Variants in BANP observed in about 807,000 individuals in gnomAD.
BANP encodes the protein protein BANP.
In BANP, 11 loss-of-function variants were observed where a neutral mutation model predicts 68.1. The observed-to-expected ratio is 0.16, with a 90% confidence interval of 0.10 to 0.27. The LOEUF is 0.27. Among genes scored for constraint, BANP ranks in the 10% least tolerant of loss-of-function variants. The probability of loss-of-function intolerance (pLI) is 1.00; values close to 1 mark genes in which losing one functional copy is unlikely to be tolerated. For missense variants in BANP, 504 were observed against 722.7 expected, an observed-to-expected ratio of 0.70 and a Z score of 3.47; for synonymous variants, 329 against 303.2, an observed-to-expected ratio of 1.09 and a Z score of -0.88.
chr16:88,049,366 C>T (rs1049427559), intron 11 of BANP, among the ~76,000 whole-genome samples: 7 of 152,156 alleles, frequency 4.6e-5, no homozygotes, highest in South Asian at 4.1e-4. Context: ...CGGCGAGGTA[C>T]GGGGGAAGGG....
At chr16:88,056,098 G>T (rs2152847662) in intron 11 of BANP, among the ~76,000 whole-genome samples, 1 of 152,308 alleles carries the variant, frequency 6.6e-6, no homozygotes, top group South Asian at 2.1e-4. Flanking sequence ...GTGGGGCCCT[G>T]ACTTACAAAG....
intron 11 of BANP, among the ~76,000 whole-genome samples, chr16:88,059,197 T>C (rs912709522): frequency 7.8e-6 from 1 of 128,746 alleles, no homozygotes; most frequent in African/African-American, 2.9e-5. Context: ...GGGCATGACC[T>C]TGAGGAGAGT....
At chr16:88,025,997 C>T (rs1301894590) in intron 7 of BANP, among the ~76,000 whole-genome samples, 1 of 152,216 alleles carries the variant, frequency 6.6e-6, no homozygotes, top group Non-Finnish European at 1.5e-5. Context: ...GGTCCTGTGG[C>T]CTAGTGGGAA....
rs34640333 is a variant in BANP, at chr16:87,969,909, C to CTTTTT, written c.-68-5125_-68-5121dup. 7.8e-4 allele frequency: 92 copies of CTTTTT among 117,316 alleles called. 1 individual carries two copies. The highest frequency in any genetic ancestry group is 3.1e-3 in the African/African-American group (91 of 29,490). 7.3% of individuals were successfully genotyped at this position (117,316 alleles called of 1,614,324 possible). ...CTCATTTTTGATTAGGTTGATTGGT[C>CTTTTT]TTTTTTTTTTTTTTTTTTGACAGAG... On this transcript the variant is annotated intron_variant, in intron 1 of 13. Transcript: ENST00000682872.
intron 8 of BANP, among the ~76,000 whole-genome samples, chr16:88,030,568 G>C (rs968302370): frequency 1.3e-5 from 2 of 152,226 alleles, no homozygotes; most frequent in African/African-American, 4.8e-5. Flanking sequence ...ACGACTGCCA[G>C]ATATGTTGGC....
At chr16:88,015,341 CTGCCAGTCCCCTCTGCCTG>C (rs1405729791) in intron 6 of BANP, among the ~76,000 whole-genome samples, 1 of 151,952 alleles carries the variant, frequency 6.6e-6, no homozygotes, top group Non-Finnish European at 1.5e-5. Flanking sequence ...GCCCGTCCCT[CTGCCAGTCCCCTCTGCCTG>C]TGCCAGTTCA....
intron 11 of BANP, among the ~76,000 whole-genome samples, chr16:88,039,697 A>AT (rs2080271643): frequency 7.0e-6 from 1 of 142,770 alleles, no homozygotes; most frequent in Admixed American, 7.1e-5. Context: ...CTCAGCAGGC[A>AT]TGGAGGCCCG....
chr16:87,996,607 G>T (rs1226476009), intron 4 of BANP, among the ~76,000 whole-genome samples: 1 of 150,408 alleles, frequency 6.6e-6, no homozygotes, highest in African/African-American at 2.5e-5. Context: ...CGCCGGCTGG[G>T]CTCTGGTTCT....
At chr16:88,051,467 T>C (rs572202534) in intron 11 of BANP, among the ~76,000 whole-genome samples, 1 of 152,338 alleles carries the variant, frequency 6.6e-6, no homozygotes, top group East Asian at 1.9e-4. Context: ...TCCTTCGGGC[T>C]CAGCCTCGGT....
At chr16:88,022,082 C>T (rs552488826) in intron 7 of BANP, among the ~76,000 whole-genome samples, 1 of 152,150 alleles carries the variant, frequency 6.6e-6, no homozygotes, top group Admixed American at 6.5e-5. Flanking sequence ...GGGCAGCTAA[C>T]CAAATTTGTG....
At chr16:88,023,912 T>G (rs6540156) in intron 7 of BANP, among the ~76,000 whole-genome samples, 151,781 of 152,312 alleles carry the variant, frequency 1, 75,628 homozygotes, top group Middle Eastern at 1. Flanking sequence ...GGGCCTCGGT[T>G]GGTGTAGTGT....
Position 88,067,682 on chromosome 16 carries a change from C to T in BANP, c.1377+2350C>T, listed in dbSNP as rs372602595. ...GCCCAGCCCCCCCTGCACCCCACGG[C>T]GCTCACCCTGCCATGCTCTGGCCAC... On this transcript the variant is annotated intron_variant, in intron 12 of 13. Coordinates refer to ENST00000682872, the MANE Select transcript of BANP (RefSeq NM_001386991.1). Among the ~76,000 whole-genome samples the T allele has an allele frequency of 1.2e-3, 185 of 152,248 alleles. 1 individual carries two copies. Among genetic ancestry groups the T allele is most frequent in the African/African-American group, 4.3e-3 (179 of 41,550 alleles).
At chr16:88,076,186 T>G (rs1567960498) in intron 13 of BANP, among the ~76,000 whole-genome samples, 1 of 152,168 alleles carries the variant, frequency 6.6e-6, no homozygotes, top group African/African-American at 2.4e-5. Context: ...ATTGGGACAG[T>G]GTTTATAGGA....
At chr16:88,072,727 C>T (rs1489191400) in intron 13 of BANP, among the ~76,000 whole-genome samples, 5 of 152,240 alleles carry the variant, frequency 3.3e-5, no homozygotes, top group Admixed American at 6.5e-5. Flanking sequence ...AGGGTGAGGC[C>T]GTGCCGAAAT....
At chr16:88,006,847 G>A (rs1241821838) in intron 6 of BANP, among the ~76,000 whole-genome samples, 2 of 151,594 alleles carry the variant, frequency 1.3e-5, no homozygotes, top group African/African-American at 2.4e-5. Flanking sequence ...AGCTACTTGG[G>A]AGGCTGAGGC....
chr16:87,952,598 T>C lies in BANP; in HGVS notation c.-69+1083T>C, dbSNP rs575861887. ...GAGTAGTGAGTGGTTCTGAGTAAGC[T>C]CAGGAAACGTCAAATAAAAACTGGA... On this transcript the variant is annotated intron_variant, in intron 1 of 13. Coordinates refer to ENST00000682872, the MANE Select transcript of BANP (RefSeq NM_001386991.1). 2.6e-5 allele frequency: 4 copies of C among 152,252 alleles called. No homozygotes were observed. The East Asian group carries it at 7.7e-4, about 29-fold the overall frequency. 9.4% of individuals were successfully genotyped at this position (152,252 alleles called of 1,614,324 possible). A position where few individuals can be genotyped will look rare whatever the true frequency, so the allele number is the denominator to read the frequency against.
intron 2 of BANP, 167 bp from the exon 3 acceptor site, chr16:87,980,869 T>C: frequency 1.7e-6 from 1 of 592,636 alleles, no homozygotes; most frequent in Non-Finnish European, 3.0e-6. Context: ...GGAGTTATCC[T>C]GTTTTTCTGC....
At chr16:88,042,609 G>A (rs1161694195) in intron 11 of BANP, among the ~76,000 whole-genome samples, 1 of 152,222 alleles carries the variant, frequency 6.6e-6, no homozygotes, top group Non-Finnish European at 1.5e-5. Context: ...CACTGACATT[G>A]AAATTGCAGC....
At chr16:88,069,722 G>A (rs1378536325) in intron 12 of BANP, among the ~76,000 whole-genome samples, 2 of 152,182 alleles carry the variant, frequency 1.3e-5, no homozygotes, top group Admixed American at 6.5e-5. Flanking sequence ...GTCAATGCAC[G>A]CACTTCACAA....
Sources: gnomAD v4.1 joint callset for allele counts (sites outside exome capture counted in the v4.1 genomes callset) on GRCh38, gnomAD v4.1.1 for gene constraint, MANE v1.5 for transcripts, NCBI Gene and HGNC (gene_info 2026-07-23, HGNC 2026-07-21) for gene names.